The following TBC1D8B variants were observed in gnomAD, a reference collection of about 807,000 sequenced individuals.
TBC1D8B encodes the protein RP11-321G1.1.
TBC1D8B carries 75 observed loss-of-function variants against 82.9 expected under a neutral mutation model. That is an observed-to-expected ratio of 0.90 (90% CI 0.75 to 1.10). The LOEUF (loss-of-function observed/expected upper bound fraction) is 1.10. Ranked by LOEUF, TBC1D8B falls within the 50% of genes least tolerant of loss-of-function variation. TBC1D8B has a pLI of 0.00. For synonymous variants in TBC1D8B, 276 were observed against 276.8 expected (o/e 1.00, Z 0.03); for missense variants, 794 against 796.9 (o/e 1.00, Z 0.04).
chrX:106,823,983 C>T (rs1931768454), intron 5 of TBC1D8B, among the ~76,000 whole-genome samples: 1 of 111,440 alleles, frequency 9.0e-6, no homozygotes, highest in Non-Finnish European at 1.9e-5. Context: ...GTCATTTCTA[C>T]CTCAGAGGGC....
chrX:106,852,122 TG>T (rs1481954802), intron 12 of TBC1D8B, among the ~76,000 whole-genome samples: 2 of 107,487 alleles, frequency 1.9e-5, no homozygotes, highest in African/African-American at 6.8e-5. Flanking sequence ...TGGTGTGAGA[TG>T]GTATCTCATT....
At chrX:106,817,141 A>T (rs1931564253) in intron 1 of TBC1D8B, among the ~76,000 whole-genome samples, 1 of 111,749 alleles carries the variant, frequency 8.9e-6, no homozygotes, top group African/African-American at 3.2e-5. Context: ...AGGAAGGTAA[A>T]TTTATATATT....
chrX:106,848,376 G>C (rs1932510924), intron 11 of TBC1D8B, 73 bp downstream of exon 11: 2 of 691,271 alleles, frequency 2.9e-6, no homozygotes, highest in Non-Finnish European at 4.2e-6. Flanking sequence ...AACAATTTCA[G>C]TGTCTCTTGT....
chrX:106,868,361 A>T (rs1160814451), intron 17 of TBC1D8B, 32 bp from the exon 18 acceptor site: 1 of 943,877 alleles, frequency 1.1e-6, no homozygotes, highest in Non-Finnish European at 1.4e-6. Flanking sequence ...GGTTGTTAAT[A>T]AATGTAATTT....
At position 106,820,855 on chromosome X, in the gene TBC1D8B, ATTTTC is replaced by A; in HGVS notation, c.242-19_242-15del. On this transcript the variant is annotated splice_polypyrimidine_tract_variant and intron_variant, in intron 2 of 20. Transcript: ENST00000357242. ...TTGTGGAGTTTTCCTTAAGTGTTTT[ATTTTC>A]TTGTGTTATTAATCAGGAGCCAACA... 2.8e-6 allele frequency: 3 copies of A among 1,059,665 alleles called. No homozygotes were observed. The highest frequency in any genetic ancestry group is 3.9e-6 in the Non-Finnish European group (3 of 776,463). 87.3% of individuals were successfully genotyped at this position (1,059,665 alleles called of 1,213,427 possible). A position where few individuals can be genotyped will look rare whatever the true frequency, so the allele number is the denominator to read the frequency against.
At chrX:106,849,870 C>T (rs1266641586) in intron 11 of TBC1D8B, 155 bp from the exon 12 acceptor site, 2 of 1,052,322 alleles carry the variant, frequency 1.9e-6, no homozygotes, top group East Asian at 6.9e-5. Context: ...ACACTACTAG[C>T]AGTTAGATGT....
intron 14 of TBC1D8B, among the ~76,000 whole-genome samples, chrX:106,857,769 T>C (rs111971597): frequency 3.5e-5 from 4 of 112,769 alleles, no homozygotes; most frequent in African/African-American, 1.3e-4. Flanking sequence ...GGCTGCATAA[T>C]ATTCCATGGT....
At chrX:106,872,264 G>A (rs1476751154) in intron 20 of TBC1D8B, among the ~76,000 whole-genome samples, 1 of 98,320 alleles carries the variant, frequency 1.0e-5, no homozygotes, top group Non-Finnish European at 2.0e-5. Flanking sequence ...CAACCTGGGT[G>A]AGCTGAGATT....
At chrX:106,872,244 C>T (rs1356122936) in intron 20 of TBC1D8B, among the ~76,000 whole-genome samples, 1 of 103,164 alleles carries the variant, frequency 9.7e-6, no homozygotes, top group East Asian at 3.1e-4. Flanking sequence ...GAGATTTAAC[C>T]ATTGCACTCC....
At chrX:106,846,587 T>G (rs993477269) in intron 10 of TBC1D8B, among the ~76,000 whole-genome samples, 3 of 111,690 alleles carry the variant, frequency 2.7e-5, no homozygotes, top group Non-Finnish European at 3.8e-5. Flanking sequence ...TCCGATGACT[T>G]TTGTCAGTGT....
intron 7 of TBC1D8B, among the ~76,000 whole-genome samples, chrX:106,834,161 T>TA (rs756884839): frequency 2.7e-5 from 3 of 111,435 alleles, no homozygotes; most frequent in Non-Finnish European, 5.6e-5. Context: ...GGGTAATTTA[T>TA]AAAGAAAAGA....
rs147581665 is a variant in TBC1D8B, at chrX:106,853,601, C to A, written c.2204C>A (p.Thr735Asn). Residue 735 changes from threonine to asparagine, a missense_variant, in exon 13 of 21, where the codon ACC (threonine) becomes AAC (asparagine). Physicochemically the swap from Thr to Asn is moderately conservative, Grantham distance 65. Transcript: ENST00000357242. ...QQGSNVSDEKTSHTRVDITDL... is the reference protein window; with the variant it reads ...QQGSNVSDEKNSHTRVDITDL... The stretch of plus-strand genomic sequence containing the variant: ...GGTTCAAATGTGAGTGATGAAAAAA[C>A]CAGTCATACTAGAGTGGATATTACA... 4.1e-6 allele frequency: 5 copies of A among 1,207,121 alleles called. No homozygotes were observed. Among genetic ancestry groups the A allele is most frequent in the Admixed American group, 4.4e-5 (2 of 45,691 alleles).
chrX:106,845,912 TA>T (rs1932432547), intron 10 of TBC1D8B, among the ~76,000 whole-genome samples: 2 of 109,884 alleles, frequency 1.8e-5, no homozygotes, highest in Non-Finnish European at 3.8e-5. Context: ...TCAAGTCAAA[TA>T]AAGACAGTCT....
rs1474503816 is a variant in TBC1D8B at position 106,854,184 on chromosome X, CAT to C, written c.2254-11_2254-10del. 1 of 1,111,542 alleles carries C rather than the reference CAT, an allele frequency of 9.0e-7. No individual in the cohort carries two copies. Among genetic ancestry groups the C allele is most frequent in the East Asian group, 3.2e-5 (1 of 31,286 alleles). The allele number at this position is 1,111,542 out of a possible 1,213,427, so 91.6% of individuals were successfully genotyped here. A position where few individuals can be genotyped will look rare whatever the true frequency, so the allele number is the denominator to read the frequency against. Reference sequence around the variant, plus strand: ...ATTATGAGTGAGTAGCCACTGAAATCATATCTCTTGCAGAAATATGGTAATAT... The same window carrying C: ...ATTATGAGTGAGTAGCCACTGAAATCATCTCTTGCAGAAATATGGTAATAT... On this transcript the variant is annotated splice_polypyrimidine_tract_variant and intron_variant, in intron 13 of 20. Transcript: ENST00000357242.
At position 106,839,229 on chromosome X, in the gene TBC1D8B, T is replaced by TA. The variant is rs1232839174; in HGVS notation, c.1204-77dup. 5 of 994,073 alleles carry TA rather than the reference T, an allele frequency of 5.0e-6. No homozygotes were observed. The East Asian group carries it at 1.6e-4, about 32-fold the overall frequency. The allele number at this position is 994,073 out of a possible 1,213,427, so 81.9% of individuals were successfully genotyped here. The stretch of plus-strand genomic sequence containing the variant: ...ATGTATACAGATTGTGGCTTATAAA[T>TA]AACAGTAAACATTAGAACTTTTTTT... On this transcript the variant is annotated intron_variant, in intron 7 of 20. Transcript: ENST00000357242.
At chrX:106,824,476 T>G (rs1361904279) in intron 5 of TBC1D8B, among the ~76,000 whole-genome samples, 1 of 111,368 alleles carries the variant, frequency 9.0e-6, no homozygotes, top group Admixed American at 9.6e-5. Context: ...GCAAGGTAAA[T>G]TTTTTATACT....
Position 106,803,077 on chromosome X carries a change from G to T in TBC1D8B, c.130+94G>T. On this transcript the variant is annotated intron_variant, in intron 1 of 20. Coordinates refer to ENST00000357242, the MANE Select transcript of TBC1D8B (RefSeq NM_017752.3). ...AGTTACTCGTCGCTACCAGTTTCCC[G>T]ATCCTAAATCGTGGGCGGAGGGACT... The T allele has an allele frequency of 9.9e-6, 10 of 1,011,931 alleles. No individual in the cohort carries two copies. The South Asian group carries it at 2.4e-4, about 25-fold the overall frequency. The allele number at this position is 1,011,931 out of a possible 1,213,427, so 83.4% of individuals were successfully genotyped here.
intron 1 of TBC1D8B, among the ~76,000 whole-genome samples, chrX:106,809,904 A>G (rs1434747373): frequency 9.1e-6 from 1 of 109,591 alleles, no homozygotes; most frequent in East Asian, 2.8e-4. Context: ...AAAAAAAAAA[A>G]GACAGAAATA....
chrX:106,805,561 G>T (rs1931162750), intron 1 of TBC1D8B, among the ~76,000 whole-genome samples: 1 of 111,888 alleles, frequency 8.9e-6, no homozygotes, highest in Non-Finnish European at 1.9e-5. Context: ...CTTATTTAGT[G>T]GTCAGTTTAT....
Sources: gnomAD v4.1 joint callset for allele counts (sites outside exome capture counted in the v4.1 genomes callset) on GRCh38, gnomAD v4.1.1 for gene constraint, MANE v1.5 for transcripts, NCBI Gene and HGNC (gene_info 2026-07-23, HGNC 2026-07-21) for gene names.